RAP1A: variants seen among roughly 807,000 people sequenced by gnomAD.
The protein encoded by RAP1A is RAP1A, member of RAS oncogene family.
Under a neutral mutation model 26.4 loss-of-function variants are expected in RAP1A, and 6 were observed. The ratio of observed to expected loss-of-function variants is 0.23; its 90% confidence interval spans 0.12 to 0.45. The LOEUF is 0.45. Among genes scored for constraint, RAP1A ranks in the 20% least tolerant of loss-of-function variants. RAP1A has a pLI of 0.99. For missense variants in RAP1A, 121 were observed against 217.2 expected, an observed-to-expected ratio of 0.56 and a Z score of 2.78; for synonymous variants, 73 against 79.4, an observed-to-expected ratio of 0.92 and a Z score of 0.43.
chr1:111,542,217 C>G, upstream of RAP1A: 1 of 576,712 alleles, frequency 1.7e-6, no homozygotes, highest in South Asian at 1.4e-5. Flanking sequence ...ATGAAACAGA[C>G]ATCCTTCGCG....
intron 1 of RAP1A, among the ~76,000 whole-genome samples, chr1:111,672,269 T>A (rs1660998230): frequency 6.6e-6 from 1 of 152,192 alleles, no homozygotes; most frequent in African/African-American, 2.4e-5. Flanking sequence ...TTCTATTGAG[T>A]GCTATTAACA....
At chr1:111,649,283 C>G (rs1205131079) in intron 1 of RAP1A, 3 of 467,898 alleles carry the variant, frequency 6.4e-6, no homozygotes, top group Non-Finnish European at 1.2e-5. Flanking sequence ...TTTCCAGGCT[C>G]TCACTCTGTC....
intron 1 of RAP1A, among the ~76,000 whole-genome samples, chr1:111,661,801 A>G (rs998383602): frequency 3.5e-4 from 29 of 83,114 alleles, no homozygotes; most frequent in African/African-American, 1.0e-3. Context: ...TCCGTCCCAG[A>G]AAAAAAAAAA....
chr1:111,590,619 C>G (rs1379884148), intron 1 of RAP1A, among the ~76,000 whole-genome samples: 1 of 147,750 alleles, frequency 6.8e-6, no homozygotes, highest in Non-Finnish European at 1.5e-5. Flanking sequence ...GAGATGGGGT[C>G]TCATTTTGTT....
At chr1:111,676,501 C>T (rs1661129559) in intron 1 of RAP1A, among the ~76,000 whole-genome samples, 2 of 151,688 alleles carry the variant, frequency 1.3e-5, no homozygotes, top group Admixed American at 1.3e-4. Flanking sequence ...CAGTATGTAT[C>T]TAGTATTCTG....
At chr1:111,650,945 G>A (rs979829124) in intron 1 of RAP1A, among the ~76,000 whole-genome samples, 11 of 152,018 alleles carry the variant, frequency 7.2e-5, no homozygotes, top group African/African-American at 2.4e-4. Context: ...GGGACTACAG[G>A]CACCCGCCAC....
chr1:111,570,148 C>T (rs1028260453), intron 1 of RAP1A, among the ~76,000 whole-genome samples: 1 of 152,162 alleles, frequency 6.6e-6, no homozygotes, highest in African/African-American at 2.4e-5. Context: ...CCTGCTCTCA[C>T]TGCCATGCCA....
chr1:111,569,655 A>C (rs536398743), intron 1 of RAP1A, among the ~76,000 whole-genome samples: 1 of 152,026 alleles, frequency 6.6e-6, no homozygotes, highest in Non-Finnish European at 1.5e-5. Context: ...GTTCACTTTT[A>C]AGAGCCTCCA....
At chr1:111,583,951 G>T (rs1658314688) in intron 1 of RAP1A, among the ~76,000 whole-genome samples, 1 of 145,732 alleles carries the variant, frequency 6.9e-6, no homozygotes, top group African/African-American at 2.5e-5. Context: ...CGCGATCTCG[G>T]CTCACTGCAA....
In RAP1A at chr1:111,684,373, A is replaced by G. The variant is rs1243418425; in HGVS notation, c.-27-6961A>G. On this transcript the variant is annotated intron_variant, in intron 1 of 7. Coordinates refer to ENST00000369709, the MANE Select transcript of RAP1A (RefSeq NM_002884.4). ...AAGTCAAATTGTCTCTGCAGATGACATAATTATATATTTAGAAAACCCCAT... is the reference window on the plus strand; with the variant it reads ...AAGTCAAATTGTCTCTGCAGATGACGTAATTATATATTTAGAAAACCCCAT... Among the ~76,000 whole-genome samples, 8 of 152,260 alleles carry G rather than the reference A, an allele frequency of 5.3e-5. 1 individual carries two copies.
chr1:111,620,381 C>T (rs951622646), intron 1 of RAP1A, among the ~76,000 whole-genome samples: 1 of 152,212 alleles, frequency 6.6e-6, no homozygotes, highest in South Asian at 2.1e-4. Context: ...TCTTGCATGT[C>T]CCCTGTCTAG....
intron 1 of RAP1A, among the ~76,000 whole-genome samples, chr1:111,673,005 C>G (rs1571549184): frequency 6.6e-6 from 1 of 152,144 alleles, no homozygotes; most frequent in African/African-American, 2.4e-5. Context: ...CTGGTGAAAC[C>G]TTTGGGTGTA....
At chr1:111,593,101 G>C (rs1307274966) in intron 1 of RAP1A, among the ~76,000 whole-genome samples, 1 of 152,162 alleles carries the variant, frequency 6.6e-6, no homozygotes, top group Non-Finnish European at 1.5e-5. Context: ...GGGGAGCCGG[G>C]TTGTGTTGGC....
intron 1 of RAP1A, chr1:111,563,778 G>A: frequency 8.7e-7 from 1 of 1,145,800 alleles, no homozygotes; most frequent in South Asian, 1.3e-5. Flanking sequence ...ATGTTCCAAA[G>A]TGGTCAGTAT....
At chr1:111,576,533 C>A (rs1374601519) in intron 1 of RAP1A, among the ~76,000 whole-genome samples, 1 of 152,240 alleles carries the variant, frequency 6.6e-6, no homozygotes, top group East Asian at 1.9e-4. Context: ...TAGGAGAACC[C>A]GTCTGGGTTA....
chr1:111,547,299 T>C (rs1475989589), intron 1 of RAP1A, among the ~76,000 whole-genome samples: 2 of 152,124 alleles, frequency 1.3e-5, no homozygotes, highest in Non-Finnish European at 2.9e-5. Flanking sequence ...TTTTAAATCA[T>C]GAAAGGGTAC....
intron 1 of RAP1A, among the ~76,000 whole-genome samples, chr1:111,672,708 T>C (rs1179922858): frequency 6.6e-6 from 1 of 152,210 alleles, no homozygotes; most frequent in African/African-American, 2.4e-5. Flanking sequence ...AGCAGCACCA[T>C]GTTGGCTGGA....
chr1:111,676,359 AAAAT>A (rs1661124435), intron 1 of RAP1A, among the ~76,000 whole-genome samples: 2 of 152,274 alleles, frequency 1.3e-5, no homozygotes, highest in South Asian at 4.1e-4. Context: ...TCAAAAATAA[AAAAT>A]AAATAAGGTG....
At chr1:111,551,542 C>T (rs1194537043) in intron 1 of RAP1A, among the ~76,000 whole-genome samples, 1 of 152,080 alleles carries the variant, frequency 6.6e-6, no homozygotes, top group Non-Finnish European at 1.5e-5. Flanking sequence ...TTGCTTTATG[C>T]TGTTACTGTC....
Sources: allele counts gnomAD v4.1 joint callset (sites outside exome capture counted in the v4.1 genomes callset), GRCh38; gene constraint gnomAD v4.1.1; transcripts MANE v1.5; gene names NCBI Gene and HGNC (gene_info 2026-07-23, HGNC 2026-07-21).